The following L3MBTL4 variants were observed in gnomAD, a reference collection of about 807,000 sequenced individuals.
The protein encoded by L3MBTL4 is L3MBTL histone methyl-lysine binding protein 4.
A neutral mutation model predicts 84.5 loss-of-function variants in L3MBTL4; 70 were observed. The observed-to-expected ratio is 0.83, with a 90% CI of 0.68 to 1.01. The LOEUF (loss-of-function observed/expected upper bound fraction) is 1.01. L3MBTL4 is among the 50% of genes least tolerant of loss of function. L3MBTL4 has a pLI of 0.00. For missense variants in L3MBTL4, 715 were observed against 754.8 expected, an observed-to-expected ratio of 0.95 and a Z score of 0.62; for synonymous variants, 274 against 259.8, an observed-to-expected ratio of 1.05 and a Z score of -0.52.
intron 13 of L3MBTL4, among the ~76,000 whole-genome samples, chr18:6,145,499 G>A (rs1249799766): frequency 6.6e-6 from 1 of 151,512 alleles, no homozygotes; most frequent in African/African-American, 2.4e-5. Flanking sequence ...AAAAGAAGAA[G>A]AAGAATCAGG....
chr18:6,031,059 A>G, intron 16 of L3MBTL4: 1 of 985,432 alleles, frequency 1.0e-6, no homozygotes, highest in Non-Finnish European at 1.2e-6. Flanking sequence ...TCCATAAAAC[A>G]CTTAATACAT....
At chr18:6,348,850 T>C (rs568942491) in intron 1 of L3MBTL4, among the ~76,000 whole-genome samples, 3 of 152,214 alleles carry the variant, frequency 2.0e-5, no homozygotes, top group East Asian at 3.9e-4. Context: ...ATCCTACAAA[T>C]TGACGATGAT....
chr18:6,393,118 T>C (rs187322096), intron 1 of L3MBTL4, among the ~76,000 whole-genome samples: 7 of 152,264 alleles, frequency 4.6e-5, no homozygotes, highest in Admixed American at 4.6e-4. Context: ...AAACCCCCTA[T>C]AGAGCCTACA....
chr18:6,313,403 C>CA (rs754867242), intron 1 of L3MBTL4, among the ~76,000 whole-genome samples: 5 of 152,052 alleles, frequency 3.3e-5, no homozygotes, highest in Non-Finnish European at 5.9e-5. Context: ...ATATACAAAA[C>CA]AAAAAATAAA....
At chr18:6,404,427 G>A (rs2055639360) in intron 1 of L3MBTL4, among the ~76,000 whole-genome samples, 1 of 152,164 alleles carries the variant, frequency 6.6e-6, no homozygotes, top group African/African-American at 2.4e-5. Context: ...AGGGGAGGAG[G>A]GAAATTCAGG....
intron 16 of L3MBTL4, among the ~76,000 whole-genome samples, chr18:6,005,023 T>TTTTTTTTTTA (rs1258138248): frequency 1.4e-5 from 2 of 139,726 alleles, no homozygotes; most frequent in African/African-American, 5.5e-5. Flanking sequence ...TTTTTTTTTT[T>TTTTTTTTTTA]TTTTACTTTT....
intron 10 of L3MBTL4, 146 bp downstream of exon 10, chr18:6,237,818 C>A: frequency 1.5e-6 from 1 of 670,946 alleles, no homozygotes; most frequent in Non-Finnish European, 2.6e-6. Context: ...AGGTTTCAGA[C>A]ACTTGGTGGT....
intron 16 of L3MBTL4, among the ~76,000 whole-genome samples, chr18:6,051,133 C>A (rs2056823392): frequency 6.6e-6 from 1 of 152,200 alleles, no homozygotes; most frequent in Non-Finnish European, 1.5e-5. Context: ...ACACAGAGCA[C>A]CAAGCTAATT....
intron 12 of L3MBTL4, among the ~76,000 whole-genome samples, chr18:6,186,900 G>A (rs1297585187): frequency 2.6e-5 from 4 of 152,156 alleles, no homozygotes; most frequent in Non-Finnish European, 4.4e-5. Flanking sequence ...ACAAGCAATC[G>A]AGAGGGCTAC....
At chr18:6,029,291 G>A (rs148701180) in intron 16 of L3MBTL4, 27 of 273,236 alleles carry the variant, frequency 9.9e-5, no homozygotes, top group African/African-American at 5.7e-4. Flanking sequence ...GTCTGCCCAG[G>A]AGTATGCTTA....
intron 5 of L3MBTL4, among the ~76,000 whole-genome samples, chr18:6,257,999 G>A (rs1432549225): frequency 1.3e-5 from 2 of 152,192 alleles, no homozygotes; most frequent in African/African-American, 4.8e-5. Flanking sequence ...CAGGCCCTGA[G>A]ATAACTGATG....
chr18:5,973,558 C>T (rs956212962), intron 16 of L3MBTL4, among the ~76,000 whole-genome samples: 8 of 151,992 alleles, frequency 5.3e-5, no homozygotes, highest in South Asian at 2.1e-4. Context: ...AAGCCCAGCA[C>T]GATTTATGTC....
chr18:6,155,199 T>C (rs1288293538), intron 13 of L3MBTL4, among the ~76,000 whole-genome samples: 1 of 152,212 alleles, frequency 6.6e-6, no homozygotes, highest in Non-Finnish European at 1.5e-5. Flanking sequence ...TGTATCCTCC[T>C]CTACATGGCT....
chr18:6,170,819 A>G (rs537302206), intron 13 of L3MBTL4, among the ~76,000 whole-genome samples: 2 of 152,292 alleles, frequency 1.3e-5, no homozygotes, highest in Admixed American at 1.3e-4. Context: ...GCGAGACCAG[A>G]GGAAACCACA....
Position 6,360,401 on chromosome 18 carries a change from G to A in L3MBTL4, c.-90-48345C>T, listed in dbSNP as rs976640083. Among the ~76,000 whole-genome samples, 3 of 152,116 alleles carry A rather than the reference G, an allele frequency of 2.0e-5. No individual in the cohort carries two copies. In the South Asian group the frequency reaches 6.2e-4, roughly 32 times the overall value. On this transcript the variant is annotated intron_variant, in intron 1 of 18. Coordinates refer to ENST00000317931, the MANE Select transcript of L3MBTL4 (RefSeq NM_001330559.2). The stretch of plus-strand genomic sequence containing the variant: ...AAAAATTTTAAATAAAGCCAGATGA[G>A]ACAGGAAATTAAATCAGTCACTCTT...
chr18:5,986,015 T>A (rs185523487), intron 16 of L3MBTL4, among the ~76,000 whole-genome samples: 1 of 152,262 alleles, frequency 6.6e-6, no homozygotes, highest in East Asian at 1.9e-4. Flanking sequence ...GAATGCAGTC[T>A]TGGCTGAGGT....
At chr18:6,005,805 G>A (rs950291654) in intron 16 of L3MBTL4, among the ~76,000 whole-genome samples, 2 of 152,104 alleles carry the variant, frequency 1.3e-5, no homozygotes, top group African/African-American at 2.4e-5. Flanking sequence ...ACATATGCAT[G>A]CATGTATCTT....
At chr18:6,034,767 G>C (rs1375632329) in intron 16 of L3MBTL4, among the ~76,000 whole-genome samples, 1 of 152,026 alleles carries the variant, frequency 6.6e-6, no homozygotes, top group African/African-American at 2.4e-5. Context: ...CCCACCAACA[G>C]TGTAAAAGTG....
At chr18:5,976,848 C>T (rs1250901782) in intron 16 of L3MBTL4, among the ~76,000 whole-genome samples, 1 of 152,180 alleles carries the variant, frequency 6.6e-6, no homozygotes, top group Non-Finnish European at 1.5e-5. Context: ...GTTAGAGCCA[C>T]TTTCTCTAAA....
Sources: gnomAD v4.1 joint callset for allele counts (sites outside exome capture counted in the v4.1 genomes callset) on GRCh38, gnomAD v4.1.1 for gene constraint, MANE v1.5 for transcripts, NCBI Gene and HGNC (gene_info 2026-07-23, HGNC 2026-07-21) for gene names.